Variants in PDGFRL observed in about 807,000 individuals in gnomAD.
The protein encoded by PDGFRL is platelet-derived growth factor receptor-like protein.
Under a neutral mutation model 37.2 loss-of-function variants are expected in PDGFRL, and 46 were observed. The ratio of observed to expected loss-of-function variants is 1.24; its 90% confidence interval spans 0.98 to 1.58. PDGFRL has a LOEUF of 1.58. Ranked by LOEUF, PDGFRL falls within the 40% of genes most tolerant of loss-of-function variation. The probability of loss-of-function intolerance (pLI) is 0.00; values close to 1 mark genes in which losing one functional copy is unlikely to be tolerated. For missense variants in PDGFRL, 692 were observed against 467.6 expected (o/e 1.48, Z -4.43); for synonymous variants, 251 against 184.3 (o/e 1.36, Z -2.93).
intron 2 of PDGFRL, among the ~76,000 whole-genome samples, chr8:17,593,437 G>A (rs1315171018): frequency 6.8e-6 from 1 of 147,836 alleles, no homozygotes; most frequent in African/African-American, 2.5e-5. Context: ...TAAAAATACG[G>A]AAAAAAAAAA....
intron 1 of PDGFRL, among the ~76,000 whole-genome samples, chr8:17,578,424 G>A (rs752065869): frequency 6.6e-6 from 1 of 152,120 alleles, no homozygotes; most frequent in East Asian, 1.9e-4. Flanking sequence ...TGAGCATGAG[G>A]GTCCTTCAGC....
intron 2 of PDGFRL, among the ~76,000 whole-genome samples, chr8:17,606,299 G>T (rs1330800894): frequency 2.6e-5 from 4 of 152,140 alleles, no homozygotes; most frequent in African/African-American, 9.7e-5. Flanking sequence ...TTATGTGAGT[G>T]TCTTTTGTAT....
At chr8:17,624,472 A>G (rs917683281) in intron 3 of PDGFRL, among the ~76,000 whole-genome samples, 2 of 152,230 alleles carry the variant, frequency 1.3e-5, no homozygotes, top group East Asian at 3.8e-4. Flanking sequence ...TTCTCAGAAT[A>G]CAGCTCAATA....
upstream of PDGFRL, chr8:17,576,662 C>T (rs1434201529): frequency 5.2e-6 from 5 of 967,748 alleles, no homozygotes; most frequent in African/African-American, 7.0e-5. Context: ...GTAATGAACC[C>T]GTCCTCCCAC....
At chr8:17,589,385 CAAAAA>C (rs34147348) in intron 1 of PDGFRL, 78 bp from the exon 2 acceptor site, 2 of 756,124 alleles carry the variant, frequency 2.6e-6, no homozygotes, top group Admixed American at 2.6e-5. Flanking sequence ...GAATCTGTCT[CAAAAA>C]AAAAAAAAAG....
intron 1 of PDGFRL, among the ~76,000 whole-genome samples, chr8:17,580,872 G>T (rs1349513770): frequency 6.6e-6 from 1 of 151,814 alleles, no homozygotes. Context: ...ATTTTTTTTA[G>T]CTTGTGGCCA....
intron 2 of PDGFRL, among the ~76,000 whole-genome samples, chr8:17,597,273 G>C (rs943980576): frequency 2.0e-5 from 3 of 152,172 alleles, no homozygotes; most frequent in Non-Finnish European, 4.4e-5. Context: ...CGTCCACCTT[G>C]GCCTCTCAAA....
chr8:17,616,169 A>ATTAATTAT (rs1804521933), intron 2 of PDGFRL, among the ~76,000 whole-genome samples: 2 of 144,158 alleles, frequency 1.4e-5, no homozygotes, highest in Non-Finnish European at 3.0e-5. Context: ...TATTATTGTT[A>ATTAATTAT]TTATTTATTT....
chr8:17,598,294 G>A (rs1804095539), intron 2 of PDGFRL, among the ~76,000 whole-genome samples: 1 of 152,160 alleles, frequency 6.6e-6, no homozygotes, highest in Non-Finnish European at 1.5e-5. Context: ...TCTGGAATGT[G>A]AATATATTAT....
intron 2 of PDGFRL, among the ~76,000 whole-genome samples, chr8:17,615,825 C>T (rs1266072325): frequency 6.6e-6 from 1 of 152,196 alleles, no homozygotes; most frequent in Non-Finnish European, 1.5e-5. Flanking sequence ...GGGAGGATCC[C>T]TTAAGCCTAG....
chr8:17,636,011 G>A (rs1804963848), intron 5 of PDGFRL, among the ~76,000 whole-genome samples: 3 of 152,116 alleles, frequency 2.0e-5, no homozygotes, highest in Admixed American at 2.0e-4. Flanking sequence ...TAGATTCTGG[G>A]TGTTAGTCCT....
At chr8:17,603,124 A>C (rs2517179) in intron 2 of PDGFRL, among the ~76,000 whole-genome samples, 2 of 152,102 alleles carry the variant, frequency 1.3e-5, no homozygotes, top group East Asian at 1.9e-4. Context: ...CTGAGGTTAC[A>C]GGCGTGCGCC....
At chr8:17,624,005 A>T (rs1001451746) in intron 3 of PDGFRL, among the ~76,000 whole-genome samples, 18 of 151,884 alleles carry the variant, frequency 1.2e-4, no homozygotes, top group African/African-American at 4.3e-4. Context: ...AACTTTGATC[A>T]AAAAAAATAA....
At chr8:17,577,098 T>TAAAAAAAAAAAAAAAAAAAA (rs1803600196), upstream of PDGFRL, 1 of 699,598 alleles carries the variant, frequency 1.4e-6, no homozygotes, top group Non-Finnish European at 1.9e-6. Flanking sequence ...AAAAAAAAAT[T>TAAAAAAAAAAAAAAAAAAAA]CCCCAACTTT....
chr8:17,636,245 A>C (rs1386268139), intron 5 of PDGFRL, among the ~76,000 whole-genome samples: 1 of 152,218 alleles, frequency 6.6e-6, no homozygotes, highest in African/African-American at 2.4e-5. Context: ...TTATGGTTTC[A>C]GGTCTTAGAT....
intron 2 of PDGFRL, among the ~76,000 whole-genome samples, chr8:17,598,514 G>A (rs990521157): frequency 6.6e-6 from 1 of 152,200 alleles, no homozygotes; most frequent in African/African-American, 2.4e-5. Context: ...TCAGAAGTCA[G>A]TTCTTAGTCA....
At chr8:17,577,037 C>T, upstream of PDGFRL, 2 of 629,812 alleles carry the variant, frequency 3.2e-6, no homozygotes, top group Non-Finnish European at 5.2e-6. Context: ...TGCTGCGCAC[C>T]GCGGCTCCGC....
intron 5 of PDGFRL, among the ~76,000 whole-genome samples, chr8:17,641,209 A>G (rs1805085164): frequency 6.6e-6 from 1 of 152,188 alleles, no homozygotes; most frequent in Non-Finnish European, 1.5e-5. Context: ...TTGGATAAGA[A>G]AGCAAACAGG....
At chr8:17,624,430 T>C (rs1228099244) in intron 3 of PDGFRL, among the ~76,000 whole-genome samples, 1 of 152,214 alleles carries the variant, frequency 6.6e-6, no homozygotes, top group Non-Finnish European at 1.5e-5. Context: ...CTTCTTATTG[T>C]AGTATAACAT....
Sources: allele counts gnomAD v4.1 joint callset (sites outside exome capture counted in the v4.1 genomes callset), GRCh38; gene constraint gnomAD v4.1.1; transcripts MANE v1.5; gene names NCBI Gene and HGNC (gene_info 2026-07-23, HGNC 2026-07-21).